The following SEL1L2 variants were observed in gnomAD, a reference collection of about 807,000 sequenced individuals.
The protein encoded by SEL1L2 is SEL1L2 adaptor subunit of SYVN1 ubiquitin ligase, also known as protein sel-1 homolog 2.
SEL1L2 carries 89 observed loss-of-function variants against 98.8 expected under a neutral mutation model. That is an observed-to-expected ratio of 0.90 (90% confidence interval 0.76 to 1.07). SEL1L2 has a LOEUF of 1.07. Among genes scored for constraint, SEL1L2 ranks in the 50% least tolerant of loss-of-function variants. The pLI is 0.00. For missense variants in SEL1L2, 788 were observed against 812.0 expected (o/e 0.97, Z 0.36); for synonymous variants, 262 against 278.5 (o/e 0.94, Z 0.59).
At chr20:13,857,760 A>G (rs1441872393) in intron 18 of SEL1L2, among the ~76,000 whole-genome samples, 1 of 152,226 alleles carries the variant, frequency 6.6e-6, no homozygotes, top group Non-Finnish European at 1.5e-5. Flanking sequence ...CTTTAATCTT[A>G]TTGAAGCCTT....
rs747948529 is a variant in SEL1L2, at chr20:13,929,487, C to CTTTTTTT, written c.283+2109_283+2115dup. ...TTGGATATCCTCTAATTGCCTTTGC[C>CTTTTTTT]TTTTTTTTTTTTTTTTTTTTTTTTT... On this transcript the variant is annotated intron_variant, in intron 3 of 19. Coordinates refer to ENST00000284951, the MANE Select transcript of SEL1L2 (RefSeq NM_025229.2). Among the ~76,000 whole-genome samples the CTTTTTTT allele has an allele frequency of 1.4e-4, 10 of 73,316 alleles. 3 individuals carry two copies. Among genetic ancestry groups the CTTTTTTT allele is most frequent in the African/African-American group, 5.6e-4 (10 of 17,966 alleles). The allele number at this position is 73,316 out of a possible 152,430, so 48.1% of individuals were successfully genotyped here. A position where few individuals can be genotyped will look rare whatever the true frequency, so the allele number is the denominator to read the frequency against.
intron 1 of SEL1L2, among the ~76,000 whole-genome samples, chr20:13,969,271 C>T (rs1359881260): frequency 1.3e-5 from 2 of 152,178 alleles, no homozygotes; most frequent in Non-Finnish European, 2.9e-5. Context: ...TCATGTGCCC[C>T]CTCCCAAGTC....
intron 5 of SEL1L2, among the ~76,000 whole-genome samples, chr20:13,890,037 T>C (rs562562603): frequency 2.0e-5 from 3 of 152,258 alleles, no homozygotes; most frequent in East Asian, 1.9e-4. Flanking sequence ...TAAGAAGTCA[T>C]AGGACAGCAG....
chr20:13,916,733 G>T (rs1213629480), intron 4 of SEL1L2, among the ~76,000 whole-genome samples: 1 of 152,134 alleles, frequency 6.6e-6, no homozygotes, highest in Non-Finnish European at 1.5e-5. Flanking sequence ...TTGAACTGGG[G>T]AGGTGGAGGC....
intron 2 of SEL1L2, among the ~76,000 whole-genome samples, chr20:13,953,197 T>G (rs543062168): frequency 8.5e-5 from 13 of 152,354 alleles, no homozygotes; most frequent in African/African-American, 3.1e-4. Context: ...TCCCTCTCCC[T>G]GTGCAAACTG....
chr20:13,931,510 T>C lies in SEL1L2; in HGVS notation c.283+93A>G, dbSNP rs2049143428. 16 of 727,752 alleles carry C rather than the reference T, an allele frequency of 2.2e-5. No individual in the cohort carries two copies. The South Asian group carries it at 5.0e-4, about 23-fold the overall frequency. The allele number at this position is 727,752 out of a possible 1,614,324, so 45.1% of individuals were successfully genotyped here. ...TTGTGTGTATAAATATTTATGACTA[T>C]ATCCTAAGACTTCTCAGAAAGTAGC... On this transcript the variant is annotated intron_variant, in intron 3 of 19. Coordinates refer to ENST00000284951, the MANE Select transcript of SEL1L2 (RefSeq NM_025229.2).
chr20:13,859,984 G>A (rs978869832), intron 17 of SEL1L2, among the ~76,000 whole-genome samples: 11 of 152,208 alleles, frequency 7.2e-5, no homozygotes, highest in African/African-American at 2.4e-4. Flanking sequence ...GATTACAGGC[G>A]TGAGCCTCCG....
At chr20:13,923,348 AT>A (rs984543177) in intron 3 of SEL1L2, among the ~76,000 whole-genome samples, 16 of 152,184 alleles carry the variant, frequency 1.1e-4, no homozygotes, top group Non-Finnish European at 2.2e-4. Context: ...ATGGCTTGTA[AT>A]TTTATTGCAT....
intron 12 of SEL1L2, 62 bp downstream of exon 12, chr20:13,875,976 A>G: frequency 7.9e-7 from 1 of 1,265,894 alleles, no homozygotes. Flanking sequence ...CTTTGGCACC[A>G]GTCTGCGTGT....
intron 5 of SEL1L2, among the ~76,000 whole-genome samples, chr20:13,912,325 T>C (rs898242792): frequency 5.0e-5 from 7 of 140,620 alleles, no homozygotes; most frequent in African/African-American, 1.9e-4. Flanking sequence ...TGAGATGGAG[T>C]CTTGCTCTGT....
rs147290749 is a variant in SEL1L2 at position 13,911,547 on chromosome 20, T to C, written c.549+2235A>G. ...AGGTTTAGCAGCTCTCATATTTTAT[T>C]ATAACATTTACAAATCTGTTTATTG... On this transcript the variant is annotated intron_variant, in intron 5 of 19. Transcript: ENST00000284951. Among the ~76,000 whole-genome samples, 947 of 152,334 alleles carry C rather than the reference T, an allele frequency of 6.2e-3. 9 individuals are homozygous for C. Among genetic ancestry groups the C allele is most frequent in the African/African-American group, 0.021 (891 of 41,574 alleles).
chr20:13,903,742 G>C (rs1455292680), intron 5 of SEL1L2, among the ~76,000 whole-genome samples: 1 of 152,024 alleles, frequency 6.6e-6, no homozygotes, highest in Non-Finnish European at 1.5e-5. Context: ...ACCCGGGGGG[G>C]AGACGGAGGT....
chr20:13,994,295 C>CAAA (rs10557935), upstream of SEL1L2, among the ~76,000 whole-genome samples: 11 of 70,928 alleles, frequency 1.6e-4, no homozygotes, highest in Admixed American at 3.6e-4. Flanking sequence ...AACTCTGCCT[C>CAAA]AAAAAAAAAA....
At chr20:13,888,742 G>T (rs1184679734) in intron 5 of SEL1L2, among the ~76,000 whole-genome samples, 3 of 138,972 alleles carry the variant, frequency 2.2e-5, no homozygotes, top group Non-Finnish European at 4.6e-5. Context: ...GGGTTCAAGT[G>T]ATTCTCCTGC....
intron 4 of SEL1L2, chr20:13,915,317 AAG>A: frequency 8.8e-7 from 1 of 1,137,584 alleles, no homozygotes; most frequent in Non-Finnish European, 1.2e-6. Flanking sequence ...GAGATCAAGA[AAG>A]AAATTAACCC....
Position 13,865,450 on chromosome 20 carries a change from T to C in SEL1L2, c.1469A>G (p.Tyr490Cys), listed in dbSNP as rs764952893. The change falls in exon 16 of 20, where the codon TAT (tyrosine) becomes TGT (cysteine). Residue 490 changes from tyrosine to cysteine, a missense_variant. By Grantham distance (194) the Tyr-to-Cys change is radical. Coordinates refer to ENST00000284951, the MANE Select transcript of SEL1L2 (RefSeq NM_025229.2). ...AGAAGAATCTATATCACCATCCTTA[T>C]AGGCAAAGTAAGCTGTCAGGAATTT... ...AEKFLTAYFA[Y>C]KDGDIDSSLV... 6 of 1,613,972 alleles carry C rather than the reference T, an allele frequency of 3.7e-6. No individual in the cohort carries two copies. The highest frequency in any genetic ancestry group is 1.1e-5 in the South Asian group (1 of 91,080).
intron 1 of SEL1L2, among the ~76,000 whole-genome samples, chr20:13,973,643 C>A (rs541656783): frequency 7.9e-5 from 12 of 152,198 alleles, no homozygotes; most frequent in Admixed American, 2.0e-4. Flanking sequence ...ATGCTCCCAC[C>A]TAATGGCGAT....
intron 1 of SEL1L2, among the ~76,000 whole-genome samples, chr20:13,989,650 G>A (rs2052442224): frequency 6.6e-6 from 1 of 151,980 alleles, no homozygotes; most frequent in Non-Finnish European, 1.5e-5. Flanking sequence ...TTCTTAGTTT[G>A]TCACACATTT....
At chr20:13,968,289 A>T (rs1337839604) in intron 1 of SEL1L2, among the ~76,000 whole-genome samples, 1 of 152,238 alleles carries the variant, frequency 6.6e-6, no homozygotes, top group Non-Finnish European at 1.5e-5. Context: ...TTCCTTCCAG[A>T]AGCCTAATTA....
Sources: gnomAD v4.1 joint callset for allele counts (sites outside exome capture counted in the v4.1 genomes callset) on GRCh38, gnomAD v4.1.1 for gene constraint, MANE v1.5 for transcripts, NCBI Gene and HGNC (gene_info 2026-07-23, HGNC 2026-07-21) for gene names.